Variants in APOLD1 observed in about 807,000 individuals in gnomAD.
The protein encoded by APOLD1 is apolipoprotein L domain containing 1.
Under a neutral mutation model 15.3 loss-of-function variants are expected in APOLD1, and 22 were observed. That is an observed-to-expected ratio of 1.44 (90% CI 1.03 to 2.05). APOLD1 has a LOEUF of 2.05. APOLD1 is among the 30% of genes most tolerant of loss of function. The pLI, the probability that APOLD1 is intolerant of heterozygous loss-of-function variation, is 0.00. For missense variants in APOLD1, 394 were observed against 353.5 expected, an observed-to-expected ratio of 1.11 and a Z score of -0.92; for synonymous variants, 190 against 167.4, an observed-to-expected ratio of 1.13 and a Z score of -1.04.
At position 12,788,259 on chromosome 12, in the gene APOLD1, C is replaced by T. The variant is rs1947150769; in HGVS notation, c.*607C>T. The T allele has an allele frequency of 6.6e-6, 1 of 152,368 alleles. No individual in the cohort carries two copies. Among genetic ancestry groups the T allele is most frequent in the Non-Finnish European group, 1.5e-5 (1 of 68,210 alleles). The allele number at this position is 152,368 out of a possible 1,614,324, so 9.4% of individuals were successfully genotyped here. A position where few individuals can be genotyped will look rare whatever the true frequency, so the allele number is the denominator to read the frequency against. On this transcript the variant is annotated 3_prime_UTR_variant, in exon 2 of 2. Coordinates refer to ENST00000356591, the MANE Select transcript of APOLD1 (RefSeq NM_030817.3). ...GATGCGGCCTGGGTATGAAGTAGGC[C>T]TTTCCTGAGTGGCTCCCAATCCAGT...
chr12:12,770,247 A>C (rs550819784), intron 1 of APOLD1, among the ~76,000 whole-genome samples: 2 of 152,306 alleles, frequency 1.3e-5, no homozygotes, highest in African/African-American at 4.8e-5. Context: ...TGTACTAAAA[A>C]TACAAAAATT....
chr12:12,751,817 T>C (rs1252605568), intron 1 of APOLD1, among the ~76,000 whole-genome samples: 2 of 152,202 alleles, frequency 1.3e-5, no homozygotes, highest in Non-Finnish European at 2.9e-5. Context: ...AGAGGTTACC[T>C]TGTGTGTCCA....
At chr12:12,772,150 C>T (rs186787373) in intron 1 of APOLD1, among the ~76,000 whole-genome samples, 2 of 152,256 alleles carry the variant, frequency 1.3e-5, no homozygotes, top group East Asian at 3.9e-4. Flanking sequence ...ACCGTATTAA[C>T]AATCACTTTG....
chr12:12,786,321 G>C (rs1401657332), intron 1 of APOLD1, among the ~76,000 whole-genome samples: 1 of 152,170 alleles, frequency 6.6e-6, no homozygotes, highest in Non-Finnish European at 1.5e-5. Context: ...TCTAAGAAAA[G>C]AGCCTGGAAG....
intron 1 of APOLD1, among the ~76,000 whole-genome samples, chr12:12,739,112 A>C (rs1343103299): frequency 2.0e-5 from 3 of 152,152 alleles, no homozygotes; most frequent in Non-Finnish European, 4.4e-5. Context: ...GAATCCTAAG[A>C]GATAAAGTTG....
chr12:12,777,742 T>G (rs1316036930), intron 1 of APOLD1, among the ~76,000 whole-genome samples: 1 of 151,260 alleles, frequency 6.6e-6, no homozygotes, highest in Admixed American at 6.6e-5. Context: ...AGATTTCAGA[T>G]TTTTGCATTA....
Position 12,787,246 on chromosome 12 carries a change from C to G in APOLD1, c.341C>G (p.Ser114Cys). 2 of 1,579,254 alleles carry G rather than the reference C, an allele frequency of 1.3e-6. No homozygotes were observed. Among genetic ancestry groups the G allele is most frequent in the South Asian group, 1.2e-5 (1 of 86,598 alleles). ...TSDLSLIFCNSRELRRVQEIA... is the reference protein window; with the variant it reads ...TSDLSLIFCNCRELRRVQEIA... The stretch of plus-strand genomic sequence containing the variant: ...GATCTCTCGCTGATCTTCTGCAACT[C>G]CCGGGAGCTGCGGAGGGTGCAGGAG... Residue 114 changes from serine (S) to cysteine (C), a missense_variant, in exon 2 of 2, where the codon TCC (serine) becomes TGC (cysteine). Transcript: ENST00000356591. This position sits in a 1 kb window ranked among gnomAD's most constrained non-coding sequence, Gnocchi z 4.9.
At chr12:12,764,326 A>T (rs896255762) in intron 1 of APOLD1, among the ~76,000 whole-genome samples, 5 of 152,148 alleles carry the variant, frequency 3.3e-5, no homozygotes, top group African/African-American at 1.2e-4. Context: ...ATTCCCCCTA[A>T]ATGAAATTTT....
intron 1 of APOLD1, among the ~76,000 whole-genome samples, chr12:12,779,317 T>C (rs1947061925): frequency 6.6e-6 from 1 of 152,108 alleles, no homozygotes; most frequent in East Asian, 1.9e-4. Flanking sequence ...AGATTTGCCG[T>C]CTCCTGGAGG....
intron 1 of APOLD1, among the ~76,000 whole-genome samples, chr12:12,776,003 C>CAAAAAAAAAAAAAAAAAAAA (rs34623976): frequency 3.2e-5 from 2 of 62,182 alleles, no homozygotes; most frequent in East Asian, 6.2e-4. Flanking sequence ...GACCCAGTCT[C>CAAAAAAAAAAAAAAAAAAAA]AAAAAAAAAA....
intron 1 of APOLD1, among the ~76,000 whole-genome samples, chr12:12,728,665 C>CAAAAAAAAAAAAAAA (rs58877184): frequency 3.2e-5 from 2 of 62,872 alleles, no homozygotes; most frequent in Non-Finnish European, 5.6e-5. Context: ...GACCCTGTCT[C>CAAAAAAAAAAAAAAA]AAAAAAAAAA....
At chr12:12,731,879 C>T (rs1004222820) in intron 1 of APOLD1, among the ~76,000 whole-genome samples, 2 of 152,234 alleles carry the variant, frequency 1.3e-5, no homozygotes, top group African/African-American at 4.8e-5. Flanking sequence ...GAAGCCACGA[C>T]CGTCTTTCAG....
At chr12:12,786,586 G>A in intron 1 of APOLD1, 3 of 908,196 alleles carry the variant, frequency 3.3e-6, no homozygotes, top group Non-Finnish European at 3.9e-6. Context: ...CTAATACCAC[G>A]CCCCTCCCAG....
At chr12:12,785,602 C>A, upstream of APOLD1, 3 of 1,613,166 alleles carry the variant, frequency 1.9e-6, no homozygotes, top group Non-Finnish European at 2.5e-6. Flanking sequence ...CAAGGCTTTC[C>A]CAGGGCAGCC....
Position 12,786,961 on chromosome 12 carries a change from G to A in APOLD1, c.56G>A (p.Arg19His), listed in dbSNP as rs562078360. The A allele has an allele frequency of 1.0e-5, 15 of 1,458,730 alleles. No individual in the cohort carries two copies. The African/African-American group carries it at 2.1e-4, about 20-fold the overall frequency. 90.4% of individuals were successfully genotyped at this position (1,458,730 alleles called of 1,614,324 possible). Residue 19 changes from arginine (R) to histidine (H), a missense_variant, in exon 2 of 2, where the codon CGC (arginine) becomes CAC (histidine). By Grantham distance (29) the Arg-to-His change is conservative. Coordinates refer to ENST00000356591, the MANE Select transcript of APOLD1 (RefSeq NM_030817.3). ...CCGCATGGGCCCGACGCGCTGCGGC[G>A]CTTCCAGGGACTGCTGCTGGACCGC... ...REPHGPDALRRFQGLLLDRRG... is the reference protein window; with the variant it reads ...REPHGPDALRHFQGLLLDRRG...
upstream of APOLD1, chr12:12,785,497 G>C: frequency 1.3e-6 from 1 of 773,192 alleles, no homozygotes; most frequent in Non-Finnish European, 2.1e-6. Context: ...AATACGGGAT[G>C]TGCTGTGCTG....
intron 1 of APOLD1, among the ~76,000 whole-genome samples, chr12:12,757,578 T>C (rs1592298864): frequency 6.6e-6 from 1 of 152,220 alleles, no homozygotes; most frequent in East Asian, 1.9e-4. Flanking sequence ...ACTAGAACGT[T>C]GTCAGCCACC....
At chr12:12,733,548 GT>G (rs1258891409) in intron 1 of APOLD1, among the ~76,000 whole-genome samples, 1 of 152,164 alleles carries the variant, frequency 6.6e-6, no homozygotes, top group African/African-American at 2.4e-5. Flanking sequence ...TTTATGTACT[GT>G]TTGCATTTTT....
upstream of APOLD1, among the ~76,000 whole-genome samples, chr12:12,783,358 TG>T (rs1470736108): frequency 1.3e-5 from 2 of 152,170 alleles, no homozygotes; most frequent in East Asian, 3.9e-4. Flanking sequence ...TTACCCAGGC[TG>T]GAGTGCAGCG....
Sources: allele counts gnomAD v4.1 joint callset (sites outside exome capture counted in the v4.1 genomes callset), GRCh38; gene constraint gnomAD v4.1.1; non-coding constraint Gnocchi (gnomAD v3.1); transcripts MANE v1.5; gene names NCBI Gene and HGNC (gene_info 2026-07-23, HGNC 2026-07-21).